KLB: variants seen among roughly 807,000 people sequenced by gnomAD.
KLB encodes the protein klotho beta, also known as beta-klotho.
A neutral mutation model predicts 88.4 loss-of-function variants in KLB; 44 were observed. That is an observed-to-expected ratio of 0.50 (90% CI 0.39 to 0.64). The LOEUF (loss-of-function observed/expected upper bound fraction) is 0.64. Among genes scored for constraint, KLB ranks in the 30% least tolerant of loss-of-function variants. The pLI is 0.00. For missense variants in KLB, 1,137 were observed against 1,304.8 expected, an observed-to-expected ratio of 0.87 and a Z score of 1.98; for synonymous variants, 548 against 513.4, an observed-to-expected ratio of 1.07 and a Z score of -0.91.
rs533107090 is a variant in KLB, at chr4:39,429,151, C to T, written c.826-5059C>T. Reference sequence around the variant, plus strand: ...TTAATAGTCTATTAAATAGCTTAAACAACAGACACTTTTATAGTACACATG... The same window carrying T: ...TTAATAGTCTATTAAATAGCTTAAATAACAGACACTTTTATAGTACACATG... On this transcript the variant is annotated intron_variant, in intron 1 of 4. Transcript: ENST00000257408. 1.2e-4 allele frequency among the ~76,000 whole-genome samples: 18 copies of T among 152,294 alleles called. No homozygotes were observed. In the East Asian group the frequency reaches 3.3e-3, roughly 28 times the overall value.
chr4:39,414,737 T>C (rs1167808253), intron 1 of KLB, among the ~76,000 whole-genome samples: 1 of 150,850 alleles, frequency 6.6e-6, no homozygotes, highest in Admixed American at 6.6e-5. Flanking sequence ...GGCGCGATGG[T>C]GGGTGCCTGT....
intron 1 of KLB, among the ~76,000 whole-genome samples, chr4:39,420,949 C>T (rs1364418242): frequency 6.6e-6 from 1 of 152,200 alleles, no homozygotes; most frequent in African/African-American, 2.4e-5. Context: ...TAACCACTGC[C>T]AGCAATTTGT....
At position 39,446,819 on chromosome 4, in the gene KLB, G is replaced by A; in HGVS notation, c.2093G>A (p.Ser698Asn). 1.9e-6 allele frequency: 3 copies of A among 1,613,062 alleles called. No homozygotes were observed. Among genetic ancestry groups the A allele is most frequent in the East Asian group, 2.2e-5 (1 of 44,884 alleles). The change falls in exon 4 of 5, where the codon AGT becomes AAT. Residue 698 changes from serine to asparagine, a missense_variant. By Grantham distance (46) the Ser-to-Asn change is conservative. Transcript: ENST00000257408. The surrounding 1 kb of genome is among the most constrained non-coding windows in gnomAD (Gnocchi z 6.4). ...ACCATCAACGAGCCTAACCGGCTAA[G>A]TGACATCTACAACCGCTCTGGCAAC... ...WITINEPNRLSDIYNRSGNDT... is the reference protein window; with the variant it reads ...WITINEPNRLNDIYNRSGNDT...
rs145447046 is a variant in KLB, at chr4:39,447,169, A to G, written c.2443A>G (p.Lys815Glu). 1.2e-3 allele frequency: 1,984 copies of G among 1,613,824 alleles called. 4 individuals are homozygous for G. Among genetic ancestry groups the G allele is most frequent in the Admixed American group, 1.9e-3 (115 of 60,030 alleles). The change falls in exon 4 of 5, where the codon AAG (lysine) becomes GAG (glutamate). Residue 815 changes from lysine to glutamate, a missense_variant. By Grantham distance (56) the Lys-to-Glu change is moderately conservative. Transcript: ENST00000257408. ...RLTEAERRLLKGTVDFCALNH... is the reference protein window; with the variant it reads ...RLTEAERRLLEGTVDFCALNH... ...CACCGAGGCCGAAAGGAGGCTGCTC[A>G]AGGGCACGGTCGACTTCTGCGCGCT...
At chr4:39,422,437 C>T (rs1743110189) in intron 1 of KLB, among the ~76,000 whole-genome samples, 1 of 152,120 alleles carries the variant, frequency 6.6e-6, no homozygotes, top group African/African-American at 2.4e-5. Flanking sequence ...TCACCTTGTG[C>T]AAGTTACCTA....
chr4:39,416,108 G>GACACACAC (rs34831449), intron 1 of KLB, among the ~76,000 whole-genome samples: 8 of 143,076 alleles, frequency 5.6e-5, no homozygotes, highest in African/African-American at 1.8e-4. Flanking sequence ...GTAGATTGCA[G>GACACACAC]ACACACACAC....
At position 39,451,172 on chromosome 4, in the gene KLB, T is replaced by C. The variant is rs1034955226; in HGVS notation, c.*2486T>C. 1 of 152,222 alleles carries C rather than the reference T, an allele frequency of 6.6e-6. No individual in the cohort carries two copies. The highest frequency in any genetic ancestry group is 6.5e-5 in the Admixed American group (1 of 15,268). 9.4% of individuals were successfully genotyped at this position (152,222 alleles called of 1,614,324 possible). ...GCACAAGAATCCAAAAACCCTTAAA[T>C]TTTTTAACCACTGGCAAATATGTAC... On this transcript the variant is annotated 3_prime_UTR_variant, in exon 5 of 5. Coordinates refer to ENST00000257408, the MANE Select transcript of KLB (RefSeq NM_175737.4).
chr4:39,420,661 A>C (rs899720345), intron 1 of KLB, among the ~76,000 whole-genome samples: 1 of 151,958 alleles, frequency 6.6e-6, no homozygotes, highest in African/African-American at 2.4e-5. Context: ...AGTAGCTGGG[A>C]CTACAGGTGC....
chr4:39,406,989 T>A lies in KLB; in HGVS notation c.40T>A (p.Trp14Arg). 3 of 1,613,020 alleles carry A rather than the reference T, an allele frequency of 1.9e-6. No individual in the cohort carries two copies. The highest frequency in any genetic ancestry group is 2.5e-6 in the Non-Finnish European group (3 of 1,179,054). ...TGCGGCAGGATCTCCAGGGAATGAA[T>A]GGATTTTCTTCAGCACTGATGAAAT... ...GCAAGSPGNE[W>R]IFFSTDEITT... is the part of the protein sequence containing the mutation. Residue 14 changes from tryptophan (W) to arginine (R), a missense_variant, in exon 1 of 5, where the codon TGG becomes AGG. Transcript: ENST00000257408.
At chr4:39,439,020 TGA>T in intron 3 of KLB, among the ~76,000 whole-genome samples, 2 of 151,238 alleles carry the variant, frequency 1.3e-5, no homozygotes, top group Non-Finnish European at 2.9e-5. Flanking sequence ...TTTTTTTTTT[TGA>T]GACAGGATCT....
At chr4:39,424,738 T>TCTC (rs10632126) in intron 1 of KLB, among the ~76,000 whole-genome samples, 35,627 of 149,282 alleles carry the variant, frequency 0.24, 5,104 homozygotes, top group African/African-American at 0.38. Flanking sequence ...TTCAAGCGAT[T>TCTC]CTGTTTCAGC....
rs189928677 is a variant in KLB, at chr4:39,440,918, C to T, written c.1605+2923C>T. ...TGTCTTCCAGGCTGGAGTGCAGTGG[C>T]GTGATCTCAGCTCACTGCAGTCTGC... On this transcript the variant is annotated intron_variant, in intron 3 of 4. Coordinates refer to ENST00000257408, the MANE Select transcript of KLB (RefSeq NM_175737.4). 5.7e-3 allele frequency among the ~76,000 whole-genome samples: 863 copies of T among 152,074 alleles called. 8 individuals carry two copies. The highest frequency in any genetic ancestry group is 0.011 in the Non-Finnish European group (724 of 67,994).
intron 1 of KLB, among the ~76,000 whole-genome samples, chr4:39,423,470 C>T (rs1315293862): frequency 6.6e-6 from 1 of 151,820 alleles, no homozygotes; most frequent in Non-Finnish European, 1.5e-5. Context: ...AACAATATGT[C>T]AAATGGTCTT....
At chr4:39,422,955 CAG>C (rs762059431) in intron 1 of KLB, among the ~76,000 whole-genome samples, 10 of 151,170 alleles carry the variant, frequency 6.6e-5, no homozygotes, top group Non-Finnish European at 1.5e-4. Context: ...TTAGTAGAGA[CAG>C]GGTTTCACCA....
intron 1 of KLB, among the ~76,000 whole-genome samples, chr4:39,414,154 A>T (rs1437663514): frequency 6.6e-6 from 1 of 152,190 alleles, no homozygotes; most frequent in Non-Finnish European, 1.5e-5. Flanking sequence ...GGTTAAAGAC[A>T]TGAAGCACAA....
rs75211387 is a variant in KLB, at chr4:39,408,669, A to G, written c.825+895A>G. 8.7e-3 allele frequency among the ~76,000 whole-genome samples: 1,325 copies of G among 152,280 alleles called. 10 individuals are homozygous for G. Among genetic ancestry groups the G allele is most frequent in the Non-Finnish European group, 0.015 (996 of 67,990 alleles). The stretch of plus-strand genomic sequence containing the variant: ...GGAGTAAAATACAGCTGTTGTGGAC[A>G]TGGATTTTTTAAATGACAACATAAT... On this transcript the variant is annotated intron_variant, in intron 1 of 4. Coordinates refer to ENST00000257408, the MANE Select transcript of KLB (RefSeq NM_175737.4).
At position 39,434,706 on chromosome 4, in the gene KLB, G is replaced by A. The variant is rs148071445; in HGVS notation, c.1322G>A (p.Ser441Asn). The A allele has an allele frequency of 6.2e-7, 1 of 1,612,146 alleles. No individual in the cohort carries two copies. Among genetic ancestry groups the A allele is most frequent in the African/African-American group, 1.3e-5 (1 of 74,764 alleles). The change falls in exon 2 of 5, where the codon AGC becomes AAC. Residue 441 changes from serine (S) to asparagine (N), a missense_variant. Coordinates refer to ENST00000257408, the MANE Select transcript of KLB (RefSeq NM_175737.4). ...TAIYMMKNFLSQVLQAIRLDE... is the reference protein window; with the variant it reads ...TAIYMMKNFLNQVLQAIRLDE... ...ATCTACATGATGAAGAATTTCCTCAGCCAGGTGCTTCAAGGTTGGTTGTAC... is the reference window on the plus strand; with the variant it reads ...ATCTACATGATGAAGAATTTCCTCAACCAGGTGCTTCAAGGTTGGTTGTAC...
rs1234360816 is a variant in KLB at position 39,448,383 on chromosome 4, C to A, written c.2832C>A (p.Phe944Leu). 2 of 1,613,282 alleles carry A rather than the reference C, an allele frequency of 1.2e-6. No homozygotes were observed. Among genetic ancestry groups the A allele is most frequent in the Non-Finnish European group, 1.7e-6 (2 of 1,179,192 alleles). ...AEEKSKPRFG[F>L]FTSDFKAKSS... Reference sequence around the variant, plus strand: ...AGAAATCTAAACCCAGATTTGGATTCTTCACATCTGATTTTAAAGCTAAAT... The same window carrying A: ...AGAAATCTAAACCCAGATTTGGATTATTCACATCTGATTTTAAAGCTAAAT... The change falls in exon 5 of 5, where the codon TTC (phenylalanine) becomes TTA (leucine). Residue 944 changes from phenylalanine (F) to leucine (L), a missense_variant. Physicochemically the swap from Phe to Leu is conservative, Grantham distance 22. Transcript: ENST00000257408.
Position 39,447,450 on chromosome 4 carries a change from G to A in KLB, c.2724G>A (p.Gly908=), listed in dbSNP as rs1244305611. The A allele has an allele frequency of 2.5e-6, 4 of 1,598,384 alleles. No homozygotes were observed. The highest frequency in any genetic ancestry group is 3.4e-6 in the Non-Finnish European group (4 of 1,171,286). The change falls in exon 4 of 5, where the codon GGG becomes GGA. Residue 908 remains glycine (G), a synonymous_variant. Coordinates refer to ENST00000257408, the MANE Select transcript of KLB (RefSeq NM_175737.4). The part of the protein sequence containing the change: ...EDDRLRKYYL[G]KYLQEVLKAY... Reference sequence around the variant, plus strand: ...ACCGGCTCCGGAAGTACTACCTAGGGAAGTACCTTCAGGAGGTGCTGAAAG... The same window carrying A: ...ACCGGCTCCGGAAGTACTACCTAGGAAAGTACCTTCAGGAGGTGCTGAAAG...
Sources: allele counts gnomAD v4.1 joint callset (sites outside exome capture counted in the v4.1 genomes callset), GRCh38; gene constraint gnomAD v4.1.1; non-coding constraint Gnocchi (gnomAD v3.1); transcripts MANE v1.5; gene names NCBI Gene and HGNC (gene_info 2026-07-23, HGNC 2026-07-21).